Variants in SFI1 observed in about 807,000 individuals in gnomAD.
SFI1 encodes the protein protein SFI1 homolog.
Under a neutral mutation model 207.5 loss-of-function variants are expected in SFI1, and 195 were observed. That is an observed-to-expected ratio of 0.94 (90% CI 0.84 to 1.06). SFI1 has a LOEUF of 1.06. SFI1 is among the 50% of genes least tolerant of loss of function. The pLI is 0.00. For missense variants in SFI1, 1,634 were observed against 1,588.0 expected (o/e 1.03, Z -0.49); for synonymous variants, 630 against 598.9 (o/e 1.05, Z -0.76).
At chr22:31,609,911 C>T (rs1370546078) in intron 22 of SFI1, among the ~76,000 whole-genome samples, 1 of 152,222 alleles carries the variant, frequency 6.6e-6, no homozygotes, top group Admixed American at 6.5e-5. Flanking sequence ...CAGGTGCCCA[C>T]TCCTGGCCAT....
intron 2 of SFI1, among the ~76,000 whole-genome samples, chr22:31,524,021 G>A (rs527465341): frequency 1.5e-4 from 23 of 150,332 alleles, no homozygotes; most frequent in African/African-American, 5.4e-4. Context: ...GGCCAATATG[G>A]TGAAACCCTG....
At chr22:31,539,354 C>A (rs2059273327) in intron 4 of SFI1, among the ~76,000 whole-genome samples, 1 of 152,150 alleles carries the variant, frequency 6.6e-6, no homozygotes, top group African/African-American at 2.4e-5. Context: ...AGCCCAGAGT[C>A]CTTACTGTGG....
At chr22:31,591,564 C>T (rs542261731) in intron 15 of SFI1, among the ~76,000 whole-genome samples, 1 of 137,512 alleles carries the variant, frequency 7.3e-6, no homozygotes, top group Non-Finnish European at 1.6e-5. Flanking sequence ...GCGCCCCTCA[C>T]CTCCCGGACG....
intron 2 of SFI1, among the ~76,000 whole-genome samples, chr22:31,523,344 G>A (rs2147144108): frequency 6.6e-6 from 1 of 152,292 alleles, no homozygotes; most frequent in South Asian, 2.1e-4. Flanking sequence ...CACCTTCAGT[G>A]TAAATGTATA....
intron 1 of SFI1, among the ~76,000 whole-genome samples, chr22:31,502,068 A>G (rs2053875800): frequency 6.6e-6 from 1 of 152,188 alleles, no homozygotes; most frequent in South Asian, 2.1e-4. Flanking sequence ...CTGAACTGGA[A>G]TAAGTGGGTA....
In SFI1 at chr22:31,575,318, ACGCTCACCATGC is replaced by A; in HGVS notation, c.1012_1023del (p.Ala338_Ala341del). 1 of 1,613,546 alleles carries A rather than the reference ACGCTCACCATGC, an allele frequency of 6.2e-7. No homozygotes were observed. The highest frequency in any genetic ancestry group is 8.5e-7 in the Non-Finnish European group (1 of 1,179,862). The stretch of plus-strand genomic sequence containing the variant: ...GCCTGGGAGCGGAGGGAGAGCTTGT[ACGCTCACCATGC>A]CCAGGTGGAGAAACTGGCCAGGAAG... On this transcript the variant is annotated inframe_deletion, in exon 10 of 33. Coordinates refer to ENST00000400288, the MANE Select transcript of SFI1 (RefSeq NM_001007467.3).
At chr22:31,518,101 C>T (rs982597777) in intron 2 of SFI1, among the ~76,000 whole-genome samples, 1 of 152,214 alleles carries the variant, frequency 6.6e-6, no homozygotes, top group Admixed American at 6.5e-5. Context: ...ATTCTCCTGC[C>T]TCAGCCCCCA....
At chr22:31,602,406 C>T (rs1466299839) in intron 16 of SFI1, 113 bp downstream of exon 16, 8 of 1,212,200 alleles carry the variant, frequency 6.6e-6, no homozygotes, top group Non-Finnish European at 9.6e-6. Flanking sequence ...AGGGCCCCTG[C>T]CTGTGACTGT....
intron 9 of SFI1, among the ~76,000 whole-genome samples, chr22:31,574,518 T>TTTTA (rs747944969): frequency 1.5e-4 from 23 of 152,202 alleles, no homozygotes; most frequent in Non-Finnish European, 3.2e-4. Context: ...GGCAACTGAA[T>TTTTA]TTTATGTCAT....
intron 8 of SFI1, among the ~76,000 whole-genome samples, chr22:31,562,949 A>T (rs1386152253): frequency 6.7e-6 from 1 of 148,406 alleles, no homozygotes; most frequent in Non-Finnish European, 1.5e-5. Context: ...GCCAGGTTTT[A>T]ACCTAAGCAG....
At chr22:31,520,045 C>T (rs2057028233) in intron 2 of SFI1, among the ~76,000 whole-genome samples, 1 of 151,968 alleles carries the variant, frequency 6.6e-6, no homozygotes, top group Non-Finnish European at 1.5e-5. Flanking sequence ...GGATTACAGG[C>T]ATGAGCCACC....
chr22:31,531,251 G>C (rs2058494035), intron 4 of SFI1, 122 bp downstream of exon 4: 2 of 715,388 alleles, frequency 2.8e-6, no homozygotes, highest in South Asian at 3.7e-5. Flanking sequence ...GCCTCCAGTA[G>C]GTAGAAGCAG....
At chr22:31,524,513 C>A (rs942889248) in intron 2 of SFI1, among the ~76,000 whole-genome samples, 1 of 151,808 alleles carries the variant, frequency 6.6e-6, no homozygotes, top group African/African-American at 2.4e-5. Context: ...ACCTCTGCCT[C>A]CCAGGCTCAA....
intron 9 of SFI1, among the ~76,000 whole-genome samples, chr22:31,574,683 T>G (rs1307452025): frequency 6.6e-6 from 1 of 152,200 alleles, no homozygotes; most frequent in Non-Finnish European, 1.5e-5. Flanking sequence ...TCCTCCTCCC[T>G]AAAATCACAG....
At chr22:31,573,846 C>A (rs988636241) in intron 9 of SFI1, among the ~76,000 whole-genome samples, 1 of 152,082 alleles carries the variant, frequency 6.6e-6, no homozygotes, top group Non-Finnish European at 1.5e-5. Flanking sequence ...CTTTTTTCCA[C>A]ACAGTTAATC....
intron 6 of SFI1, among the ~76,000 whole-genome samples, chr22:31,551,824 C>G (rs916089143): frequency 6.6e-6 from 1 of 152,196 alleles, no homozygotes; most frequent in Non-Finnish European, 1.5e-5. Flanking sequence ...TCTACTTGCT[C>G]TGCATCCTCT....
At chr22:31,606,191 G>A in intron 20 of SFI1, 137 bp from the exon 21 acceptor site, 1 of 724,396 alleles carries the variant, frequency 1.4e-6, no homozygotes, top group East Asian at 2.7e-5. Context: ...GTAAACATAG[G>A]TGTTGGTGAA....
chr22:31,519,488 G>T (rs866670059), intron 2 of SFI1, among the ~76,000 whole-genome samples: 3 of 151,604 alleles, frequency 2.0e-5, no homozygotes, highest in African/African-American at 7.3e-5. Flanking sequence ...CCAGGCTGGA[G>T]TGCAGTGGCA....
Position 31,557,821 on chromosome 22 carries a change from G to A in SFI1, c.662+762G>A, listed in dbSNP as rs147392233. On this transcript the variant is annotated intron_variant, in intron 7 of 32. Coordinates refer to ENST00000400288, the MANE Select transcript of SFI1 (RefSeq NM_001007467.3). Reference sequence around the variant, plus strand: ...ATGCTCTTAACTGGTCTTCTGCATTGCAGCCCATCAGCATTGTAGACATAC... The same window carrying A: ...ATGCTCTTAACTGGTCTTCTGCATTACAGCCCATCAGCATTGTAGACATAC... Among the ~76,000 whole-genome samples, 40 of 152,242 alleles carry A rather than the reference G, an allele frequency of 2.6e-4. No individual in the cohort carries two copies. In the East Asian group the frequency reaches 7.5e-3, roughly 29 times the overall value.
Sources: allele counts gnomAD v4.1 joint callset (sites outside exome capture counted in the v4.1 genomes callset), GRCh38; gene constraint gnomAD v4.1.1; transcripts MANE v1.5; gene names NCBI Gene and HGNC (gene_info 2026-07-23, HGNC 2026-07-21).